ITGA6: variants seen among roughly 807,000 people sequenced by gnomAD.
The protein encoded by ITGA6 is integrin subunit alpha 6.
Under a neutral mutation model 133.6 loss-of-function variants are expected in ITGA6, and 63 were observed. The ratio of observed to expected loss-of-function variants is 0.47; its 90% CI spans 0.38 to 0.58. The LOEUF (loss-of-function observed/expected upper bound fraction) is 0.58. ITGA6 is among the 20% of genes least tolerant of loss of function. The pLI is 0.00. For synonymous variants in ITGA6, 434 were observed against 482.0 expected, an observed-to-expected ratio of 0.90 and a Z score of 1.30; for missense variants, 1,068 against 1,309.4, an observed-to-expected ratio of 0.82 and a Z score of 2.85.
rs1256447536 is a variant in ITGA6 at position 172,469,272 on chromosome 2, T to C, written c.535T>C (p.Leu179=). 1.9e-6 allele frequency: 3 copies of C among 1,614,120 alleles called. No homozygotes were observed. Among genetic ancestry groups the C allele is most frequent in the Non-Finnish European group, 1.7e-6 (2 of 1,179,992 alleles). ...GGDWSFCDGR[L]RGHEKFGSCQ... ...AGATTGGAGCTTTTGTGATGGGCGATTGAGAGGCCATGAGAAATTTGGCTC... is the reference window on the plus strand; with the variant it reads ...AGATTGGAGCTTTTGTGATGGGCGACTGAGAGGCCATGAGAAATTTGGCTC... Residue 179 remains leucine (L), a synonymous_variant, in exon 4 of 26, where the codon TTG becomes CTG. Transcript: ENST00000684293.
At chr2:172,457,556 G>C (rs1685261351) in intron 1 of ITGA6, among the ~76,000 whole-genome samples, 1 of 152,152 alleles carries the variant, frequency 6.6e-6, no homozygotes, top group East Asian at 1.9e-4. Flanking sequence ...TTAAATGTTT[G>C]TATAAATTTA....
At position 172,476,875 on chromosome 2, in the gene ITGA6, T is replaced by G. The variant is rs549845413; in HGVS notation, c.1388+362T>G. Among the ~76,000 whole-genome samples, 9 of 152,326 alleles carry G rather than the reference T, an allele frequency of 5.9e-5. No individual in the cohort carries two copies. The East Asian group carries it at 1.5e-3, about 26-fold the overall frequency. ...TTAAACTCCAAGATCTTGATTTCTA[T>G]TTTATTTTCTGTGATTGGACCATGT... is the stretch of plus-strand genomic sequence containing the variant. On this transcript the variant is annotated intron_variant, in intron 9 of 25. Transcript: ENST00000684293.
intron 19 of ITGA6, among the ~76,000 whole-genome samples, chr2:172,489,134 C>T (rs1223020949): frequency 3.3e-5 from 5 of 152,194 alleles, no homozygotes; most frequent in Admixed American, 2.6e-4. Context: ...CAGGACTTGT[C>T]ATTGGCCAAG....
chr2:172,437,856 G>T (rs1408609103), intron 1 of ITGA6, among the ~76,000 whole-genome samples: 1 of 148,718 alleles, frequency 6.7e-6, no homozygotes, highest in Non-Finnish European at 1.5e-5. Flanking sequence ...GGGAGTGTGT[G>T]GTCCTGGAAA....
At chr2:172,492,264 G>A (rs1686958404) in intron 23 of ITGA6, among the ~76,000 whole-genome samples, 1 of 152,188 alleles carries the variant, frequency 6.6e-6, no homozygotes, top group African/African-American at 2.4e-5. Context: ...AACCATTGCT[G>A]AGCAGCATGT....
intron 13 of ITGA6, among the ~76,000 whole-genome samples, chr2:172,485,992 C>T (rs1221347001): frequency 6.6e-6 from 1 of 152,066 alleles, no homozygotes; most frequent in Admixed American, 6.5e-5. Flanking sequence ...GCCTGGCCAA[C>T]ATGGTGAAAC....
chr2:172,477,461 G>T (rs1163208944), intron 9 of ITGA6, among the ~76,000 whole-genome samples: 1 of 152,048 alleles, frequency 6.6e-6, no homozygotes, highest in Non-Finnish European at 1.5e-5. Context: ...CACAAAACTT[G>T]TGTGCATTTC....
intron 1 of ITGA6, among the ~76,000 whole-genome samples, chr2:172,459,758 A>G (rs2149028878): frequency 6.6e-6 from 1 of 152,376 alleles, no homozygotes; most frequent in East Asian, 1.9e-4. Context: ...GGGGAACATC[A>G]GATCCCAGAT....
intron 1 of ITGA6, among the ~76,000 whole-genome samples, chr2:172,432,551 C>T (rs538209701): frequency 8.1e-4 from 123 of 152,362 alleles, no homozygotes; most frequent in African/African-American, 2.8e-3. Flanking sequence ...TAACCCTTTG[C>T]CCTTCCTTGC....
chr2:172,466,439 G>T (rs555029786), intron 2 of ITGA6, among the ~76,000 whole-genome samples: 117 of 152,220 alleles, frequency 7.7e-4, no homozygotes, highest in African/African-American at 2.8e-3. Flanking sequence ...GGCCAACATG[G>T]TGAAACCCCA....
rs1167360496 is a variant in ITGA6 at position 172,485,269 on chromosome 2, GTCTC to G, written c.1854+9_1854+12del. On this transcript the variant is annotated splice_donor_region_variant and intron_variant, in intron 13 of 25. Coordinates refer to ENST00000684293, the MANE Select transcript of ITGA6 (RefSeq NM_000210.4). ...CCCAAGACAGCTCATATTGATGTAA[GTCTC>G]TCTGACTTTCATTTTGCCAAAGTTT... is the stretch of plus-strand genomic sequence containing the variant. 3 of 1,613,704 alleles carry G rather than the reference GTCTC, an allele frequency of 1.9e-6. No homozygotes were observed. Among genetic ancestry groups the G allele is most frequent in the Non-Finnish European group, 2.5e-6 (3 of 1,179,884 alleles).
At chr2:172,479,563 A>T in intron 9 of ITGA6, 78 bp from the exon 10 acceptor site, 1 of 1,167,042 alleles carries the variant, frequency 8.6e-7, no homozygotes, top group South Asian at 1.2e-5. Context: ...GCAGCTAAGG[A>T]TGCTCTCTAG....
chr2:172,438,337 C>T (rs56892098), intron 1 of ITGA6, among the ~76,000 whole-genome samples: 11,823 of 151,520 alleles, frequency 0.078, 649 homozygotes, highest in East Asian at 0.26. Context: ...GAAGAAAGGT[C>T]GGATGAGGGG....
At chr2:172,430,805 C>T (rs146816057) in intron 1 of ITGA6, among the ~76,000 whole-genome samples, 188 of 152,224 alleles carry the variant, frequency 1.2e-3, no homozygotes, top group African/African-American at 3.4e-3. Context: ...CAAGTTGGTC[C>T]GCCGAGTGAC....
intron 23 of ITGA6, among the ~76,000 whole-genome samples, chr2:172,494,440 C>T (rs913175655): frequency 1.3e-5 from 2 of 152,008 alleles, no homozygotes; most frequent in Non-Finnish European, 2.9e-5. Context: ...CTCAGGAAGT[C>T]GAGGCTGCAG....
At chr2:172,476,626 T>C in intron 9 of ITGA6, 113 bp downstream of exon 9, 1 of 734,576 alleles carries the variant, frequency 1.4e-6, no homozygotes, top group South Asian at 1.5e-5. Flanking sequence ...TTATATGAAT[T>C]GTGAAGCTAT....
rs765042466 is a variant in ITGA6 at position 172,491,266 on chromosome 2, C to T, written c.2824C>T (p.Arg942Trp). The T allele has an allele frequency of 1.2e-5, 20 of 1,612,068 alleles. No individual in the cohort carries two copies. The highest frequency in any genetic ancestry group is 1.1e-4 in the East Asian group (5 of 44,880). ...VNCVNIRCPL[R>W]GLDSKASLIL... The stretch of plus-strand genomic sequence containing the variant: ...CTGTGTGAACATCAGATGCCCGCTG[C>T]GGGGGCTGGACAGCAAGGCGTCTCT... Residue 942 changes from arginine to tryptophan, a missense_variant, in exon 22 of 26, where the codon CGG (arginine) becomes TGG (tryptophan). Arg to Trp is a moderately radical substitution (Grantham distance 101). Around this residue, in one of 3 missense-constraint regions of ITGA6, gnomAD observed 609 missense variants for 707.2 expected, o/e 0.86. Coordinates refer to ENST00000684293, the MANE Select transcript of ITGA6 (RefSeq NM_000210.4). The surrounding 1 kb of genome is among the most constrained non-coding windows in gnomAD (Gnocchi z 4.4).
intron 1 of ITGA6, among the ~76,000 whole-genome samples, chr2:172,458,860 A>G (rs1685317575): frequency 6.6e-6 from 1 of 152,218 alleles, no homozygotes; most frequent in Admixed American, 6.5e-5. Flanking sequence ...AACCCACAGA[A>G]TAAGATTAGG....
Position 172,486,197 on chromosome 2 carries a change from A to G in ITGA6, c.1855-826A>G, listed in dbSNP as rs898547036. On this transcript the variant is annotated intron_variant, in intron 13 of 25. Coordinates refer to ENST00000684293, the MANE Select transcript of ITGA6 (RefSeq NM_000210.4). ...TCTCCAAAAAAAAAAAAAAAAAAAA[A>G]CAACTAATTGATGATGAGTGTCTGT... Among the ~76,000 whole-genome samples the G allele has an allele frequency of 1.8e-3, 277 of 150,288 alleles. 3 individuals carry two copies. Among genetic ancestry groups the G allele is most frequent in the Middle Eastern group, 6.9e-3 (2 of 290 alleles).
Sources: gnomAD v4.1 joint callset for allele counts (sites outside exome capture counted in the v4.1 genomes callset) on GRCh38, gnomAD v4.1.1 for gene constraint, gnomAD v4.1.1 regional missense constraint, Gnocchi (gnomAD v3.1) non-coding constraint, MANE v1.5 for transcripts, NCBI Gene and HGNC (gene_info 2026-07-23, HGNC 2026-07-21) for gene names.